The following SLIT3 variants were observed in gnomAD, a reference collection of about 807,000 sequenced individuals.
SLIT3 encodes slit homolog 3 protein.
Under a neutral mutation model 184.0 loss-of-function variants are expected in SLIT3, and 68 were observed. That is an observed-to-expected ratio of 0.37 (90% CI 0.30 to 0.45). The LOEUF (loss-of-function observed/expected upper bound fraction) is 0.45. Ranked by LOEUF, SLIT3 falls within the 20% of genes least tolerant of loss-of-function variation. SLIT3 has a pLI of 1.00. For missense variants in SLIT3, 1,707 were observed against 2,026.0 expected (o/e 0.84, Z 3.02); for synonymous variants, 831 against 828.6 (o/e 1.00, Z -0.05).
At chr5:169,285,737 G>A (rs1180104262) in intron 1 of SLIT3, among the ~76,000 whole-genome samples, 1 of 152,212 alleles carries the variant, frequency 6.6e-6, no homozygotes, top group Non-Finnish European at 1.5e-5. Flanking sequence ...GGTCACATGT[G>A]TAGACACCCT....
intron 14 of SLIT3, among the ~76,000 whole-genome samples, chr5:168,763,165 G>A (rs1755219595): frequency 1.3e-5 from 2 of 151,998 alleles, no homozygotes; most frequent in East Asian, 1.9e-4. Context: ...CAGGGGTAGG[G>A]GTAAATTATG....
intron 4 of SLIT3, among the ~76,000 whole-genome samples, chr5:168,925,200 A>G (rs774539887): frequency 1.3e-5 from 2 of 152,254 alleles, no homozygotes; most frequent in Non-Finnish European, 2.9e-5. Context: ...AAACTTGTAC[A>G]TGCTGACAAA....
At chr5:168,683,694 C>T (rs988602614) in intron 32 of SLIT3, among the ~76,000 whole-genome samples, 7 of 152,202 alleles carry the variant, frequency 4.6e-5, no homozygotes, top group Non-Finnish European at 1.0e-4. Flanking sequence ...CGCGCACTCC[C>T]GCACAGTAGC....
At chr5:169,137,247 T>C (rs961884842) in intron 4 of SLIT3, among the ~76,000 whole-genome samples, 3 of 151,870 alleles carry the variant, frequency 2.0e-5, no homozygotes, top group East Asian at 3.9e-4. Flanking sequence ...TGGATTCCAA[T>C]GTTCATTCTC....
intron 4 of SLIT3, among the ~76,000 whole-genome samples, chr5:169,063,912 C>T (rs1048939616): frequency 6.6e-6 from 1 of 152,184 alleles, no homozygotes; most frequent in African/African-American, 2.4e-5. Context: ...TCTGACAACA[C>T]AAATGCCGTA....
At chr5:169,171,748 C>T (rs1005471441) in intron 4 of SLIT3, among the ~76,000 whole-genome samples, 14 of 152,260 alleles carry the variant, frequency 9.2e-5, no homozygotes, top group Admixed American at 7.2e-4. Context: ...ACATCTACCT[C>T]GGAGGACTCA....
chr5:168,698,704 C>T (rs942953399), intron 27 of SLIT3, among the ~76,000 whole-genome samples: 2 of 152,164 alleles, frequency 1.3e-5, no homozygotes, highest in African/African-American at 2.4e-5. Context: ...CACCACTCCC[C>T]TTCACCCACC....
chr5:169,232,081 CA>C (rs1394963376), intron 3 of SLIT3, among the ~76,000 whole-genome samples: 15 of 152,160 alleles, frequency 9.9e-5, no homozygotes, highest in African/African-American at 3.6e-4. Context: ...TATGCACTGC[CA>C]ATATCTTCAC....
At chr5:169,125,586 C>G (rs1761050114) in intron 4 of SLIT3, among the ~76,000 whole-genome samples, 1 of 152,170 alleles carries the variant, frequency 6.6e-6, no homozygotes, top group African/African-American at 2.4e-5. Flanking sequence ...TGAGGGAGGT[C>G]CCTGGCTTCC....
chr5:169,066,931 A>T (rs1458085094), intron 4 of SLIT3, among the ~76,000 whole-genome samples: 2 of 143,270 alleles, frequency 1.4e-5, no homozygotes, highest in Admixed American at 7.0e-5. Context: ...CAACACCATG[A>T]TCCCTTTCCT....
Position 168,723,087 on chromosome 5 carries a change from C to T in SLIT3, c.2340-83G>A, listed in dbSNP as rs1004141821. On this transcript the variant is annotated intron_variant, in intron 21 of 35. Transcript: ENST00000519560. ...CATTCCCAAGTATCACACATACCTG[C>T]CATCCACCCACTCATCTACCCATCC... is the stretch of plus-strand genomic sequence containing the variant. 1.9e-5 allele frequency: 17 copies of T among 912,486 alleles called. No individual in the cohort carries two copies. In the African/African-American group the frequency reaches 2.4e-4, roughly 13 times the overall value. 56.5% of individuals were successfully genotyped at this position (912,486 alleles called of 1,614,324 possible).
intron 4 of SLIT3, among the ~76,000 whole-genome samples, chr5:169,073,627 T>C (rs1581377253): frequency 6.6e-6 from 1 of 152,076 alleles, no homozygotes; most frequent in Non-Finnish European, 1.5e-5. Flanking sequence ...TGATCCCTCA[T>C]GAATGTCTTG....
chr5:169,255,423 G>A (rs927571869), intron 1 of SLIT3, among the ~76,000 whole-genome samples: 4 of 152,058 alleles, frequency 2.6e-5, no homozygotes, highest in Admixed American at 2.0e-4. Context: ...GTAGACCTAG[G>A]CTAATGTGCG....
chr5:169,236,348 C>T (rs776058862), intron 3 of SLIT3, among the ~76,000 whole-genome samples: 14 of 152,266 alleles, frequency 9.2e-5, no homozygotes, highest in East Asian at 1.9e-4. Context: ...TTTTCCAAGA[C>T]GCTTTAATTC....
intron 6 of SLIT3, among the ~76,000 whole-genome samples, chr5:168,839,081 T>C (rs1477315645): frequency 1.3e-5 from 2 of 152,172 alleles, no homozygotes; most frequent in Non-Finnish European, 2.9e-5. Context: ...GAGACTAGTT[T>C]AACCCTTGAG....
intron 1 of SLIT3, among the ~76,000 whole-genome samples, chr5:169,281,241 G>A (rs1218578088): frequency 6.6e-6 from 1 of 152,210 alleles, no homozygotes; most frequent in African/African-American, 2.4e-5. Flanking sequence ...CACTTTGGGA[G>A]GCCAAGGTGG....
At chr5:168,985,511 C>T (rs1330705144) in intron 4 of SLIT3, among the ~76,000 whole-genome samples, 1 of 152,184 alleles carries the variant, frequency 6.6e-6, no homozygotes, top group East Asian at 1.9e-4. Flanking sequence ...TGCTTGCCTT[C>T]CCAGCACTTC....
chr5:169,079,555 AAGG>A (rs1409020959), intron 4 of SLIT3, among the ~76,000 whole-genome samples: 3 of 105,558 alleles, frequency 2.8e-5, no homozygotes, highest in Non-Finnish European at 5.9e-5. Context: ...AAGGAGGAAG[AAGG>A]AGGAGGAGGA....
intron 4 of SLIT3, chr5:169,013,430 C>T (rs760785557): frequency 6.6e-6 from 1 of 152,258 alleles, no homozygotes; most frequent in East Asian, 1.9e-4. Flanking sequence ...AAAACCTCTT[C>T]TGGGGGAAGC....
Sources: gnomAD v4.1 joint callset for allele counts (sites outside exome capture counted in the v4.1 genomes callset) on GRCh38, gnomAD v4.1.1 for gene constraint, MANE v1.5 for transcripts, NCBI Gene and HGNC (gene_info 2026-07-23, HGNC 2026-07-21) for gene names.